CATSPERG: variants seen among roughly 807,000 people sequenced by gnomAD.
The protein encoded by CATSPERG is catsper channel auxiliary subunit gamma, also known as cation channel sperm-associated auxiliary subunit gamma.
In CATSPERG, 115 loss-of-function variants were observed where a neutral mutation model predicts 145.0. That is an observed-to-expected ratio of 0.79 (90% CI 0.68 to 0.93). The LOEUF is 0.93. CATSPERG is among the 40% of genes least tolerant of loss of function. The pLI, the probability that CATSPERG is intolerant of heterozygous loss-of-function variation, is 0.00. For missense variants in CATSPERG, 1,296 were observed against 1,490.1 expected, an observed-to-expected ratio of 0.87 and a Z score of 2.14; for synonymous variants, 588 against 589.0, an observed-to-expected ratio of 1.00 and a Z score of 0.02.
At chr19:38,344,674 T>C (rs532409755) in intron 6 of CATSPERG, among the ~76,000 whole-genome samples, 5 of 148,066 alleles carry the variant, frequency 3.4e-5, no homozygotes, top group African/African-American at 9.9e-5. Flanking sequence ...TACCTGTACA[T>C]ACATATATAG....
chr19:38,356,355 G>C (rs983540542), intron 9 of CATSPERG, 129 bp from the exon 10 acceptor site: 2 of 751,798 alleles, frequency 2.7e-6, no homozygotes, highest in African/African-American at 3.4e-5. Flanking sequence ...TGTGAGTGAC[G>C]AAAGGCCAGA....
rs750437520 is a variant in CATSPERG at position 38,365,102 on chromosome 19, G to C, written c.2598G>C (p.Leu866=). 28 of 1,613,578 alleles carry C rather than the reference G, an allele frequency of 1.7e-5. No individual in the cohort carries two copies. The highest frequency in any genetic ancestry group is 1.7e-4 in the Middle Eastern group (1 of 5,734). ...SSGLCFQETH[L]GPHMQGNLMV... Reference sequence around the variant, plus strand: ...GGCTCTGCTTCCAGGAAACACACCTGGGGCCCCATATGCAAGTATTGGAGC... The same window carrying C: ...GGCTCTGCTTCCAGGAAACACACCTCGGGCCCCATATGCAAGTATTGGAGC... The change falls in exon 22 of 29, where the codon CTG becomes CTC. Residue 866 remains leucine, a synonymous_variant. Coordinates refer to ENST00000409235, the MANE Select transcript of CATSPERG (RefSeq NM_021185.5).
intron 3 of CATSPERG, among the ~76,000 whole-genome samples, chr19:38,342,108 G>T (rs1240376768): frequency 6.8e-6 from 1 of 148,102 alleles, no homozygotes; most frequent in Non-Finnish European, 1.5e-5. Flanking sequence ...AGGTGCAGTG[G>T]CTTACACCTG....
chr19:38,367,570 C>G lies in CATSPERG; in HGVS notation c.2832C>G (p.Gly944=), dbSNP rs1373416091. ...LVTGDSGSFQ[G]SYVLLVVGGG... ...CAGGAGACTCCGGCAGTTTCCAGGG[C>G]AGGTAAAGGCGTGGCCAGCTTGCAG... is the stretch of plus-strand genomic sequence containing the variant. The change falls in exon 24 of 29, where the codon GGC becomes GGG. Residue 944 remains glycine (G), a splice_region_variant and synonymous_variant. Coordinates refer to ENST00000409235, the MANE Select transcript of CATSPERG (RefSeq NM_021185.5). 1 of 1,614,010 alleles carries G rather than the reference C, an allele frequency of 6.2e-7. No homozygotes were observed. The highest frequency in any genetic ancestry group is 8.5e-7 in the Non-Finnish European group (1 of 1,179,924).
chr19:38,341,762 C>T (rs1285949938), intron 3 of CATSPERG, among the ~76,000 whole-genome samples: 2 of 152,026 alleles, frequency 1.3e-5, no homozygotes, highest in African/African-American at 4.8e-5. Context: ...ATTAGCCGGG[C>T]GTGGTGGCGC....
chr19:38,368,274 C>A, intron 26 of CATSPERG, 137 bp downstream of exon 26: 1 of 721,802 alleles, frequency 1.4e-6, no homozygotes, highest in Non-Finnish European at 2.4e-6. Flanking sequence ...TGGGGCTGAA[C>A]TTTGCACAAG....
intron 8 of CATSPERG, 21 bp downstream of exon 8, chr19:38,352,453 C>A (rs1000060846): frequency 1.3e-6 from 2 of 1,551,268 alleles, no homozygotes; most frequent in African/African-American, 2.7e-5. Context: ...TGTGGCTGGA[C>A]CCACGCCTGG....
intron 7 of CATSPERG, among the ~76,000 whole-genome samples, chr19:38,350,603 T>C (rs1970122300): frequency 6.6e-6 from 1 of 152,180 alleles, no homozygotes; most frequent in South Asian, 2.1e-4. Context: ...GGTTTTGAAC[T>C]CCTGGCCTCA....
At chr19:38,350,581 G>T (rs1970121900) in intron 7 of CATSPERG, among the ~76,000 whole-genome samples, 3 of 152,096 alleles carry the variant, frequency 2.0e-5, no homozygotes, top group South Asian at 4.1e-4. Context: ...ATTTCACCAT[G>T]TTAGCCAGGC....
At chr19:38,366,838 G>A (rs1054345404) in intron 22 of CATSPERG, 1 of 274,354 alleles carries the variant, frequency 3.6e-6, no homozygotes, top group Non-Finnish European at 6.9e-6. Context: ...TTACAGGCAT[G>A]CACCACCACA....
chr19:38,365,165 G>A (rs772952951), intron 22 of CATSPERG, 48 bp downstream of exon 22: 17 of 1,537,368 alleles, frequency 1.1e-5, no homozygotes, highest in South Asian at 1.0e-4. Context: ...GGTTGGGGTC[G>A]GGTCTCAACA....
intron 3 of CATSPERG, among the ~76,000 whole-genome samples, chr19:38,341,845 T>C (rs1969943284): frequency 6.6e-6 from 1 of 151,722 alleles, no homozygotes; most frequent in African/African-American, 2.4e-5. Flanking sequence ...GAGGGTGCAA[T>C]GAGCTGAGAT....
chr19:38,343,575 C>T lies in CATSPERG; in HGVS notation c.325-5C>T, dbSNP rs1311039215. ...GACACACTTGTGGGGCCATCTCACC[C>T]TCAGCCCTCTGAGGACCTGGTGCGC... On this transcript the variant is annotated splice_region_variant and splice_polypyrimidine_tract_variant and intron_variant, in intron 3 of 28. Coordinates refer to ENST00000409235, the MANE Select transcript of CATSPERG (RefSeq NM_021185.5). 1 of 1,544,982 alleles carries T rather than the reference C, an allele frequency of 6.5e-7. No homozygotes were observed. The highest frequency in any genetic ancestry group is 2.0e-5 in the Admixed American group (1 of 50,256).
chr19:38,356,406 A>C, intron 9 of CATSPERG, 78 bp from the exon 10 acceptor site: 2 of 1,307,282 alleles, frequency 1.5e-6, no homozygotes, highest in Non-Finnish European at 2.2e-6. Flanking sequence ...GGGCATAAGG[A>C]GGGCAATCGG....
At chr19:38,344,237 G>C (rs899839214) in intron 5 of CATSPERG, 59 bp from the exon 6 acceptor site, 10 of 1,538,530 alleles carry the variant, frequency 6.5e-6, no homozygotes, top group Non-Finnish European at 8.8e-6. Context: ...AGGCAGCTAC[G>C]AGCTGTGGAA....
In CATSPERG at chr19:38,343,740, G is replaced by A. The variant is rs1452171321; in HGVS notation, c.469+16G>A. On this transcript the variant is annotated intron_variant, in intron 4 of 28. Coordinates refer to ENST00000409235, the MANE Select transcript of CATSPERG (RefSeq NM_021185.5). ...CGCAGCAAAGGTGGGCCTGGGGGAG[G>A]CGGGAGGGATCGCAACCTGGCAGGG... 1.9e-6 allele frequency: 3 copies of A among 1,546,994 alleles called. No homozygotes were observed. The highest frequency in any genetic ancestry group is 2.6e-6 in the Non-Finnish European group (3 of 1,146,560).
intron 6 of CATSPERG, 131 bp from the exon 7 acceptor site, chr19:38,346,319 T>A (rs932413433): frequency 2.6e-6 from 2 of 756,080 alleles, no homozygotes; most frequent in African/African-American, 3.6e-5. Flanking sequence ...TGGTAAGGAA[T>A]GAGGTCAAGG....
intron 7 of CATSPERG, among the ~76,000 whole-genome samples, chr19:38,348,564 C>A (rs1176503946): frequency 1.3e-5 from 2 of 151,544 alleles, no homozygotes; most frequent in Non-Finnish European, 2.9e-5. Flanking sequence ...ACCTCCACCC[C>A]CCGGGTTCAA....
At position 38,354,854 on chromosome 19, in the gene CATSPERG, G is replaced by A. The variant is rs761866824; in HGVS notation, c.1135+7G>A. ...CACTTCGGGACCATCAGAGGTAAGG[G>A]TGTGGGCCTCTGTCAGCCCCAGGGA... On this transcript the variant is annotated splice_region_variant and intron_variant, in intron 9 of 28. Coordinates refer to ENST00000409235, the MANE Select transcript of CATSPERG (RefSeq NM_021185.5). 21 of 1,613,136 alleles carry A rather than the reference G, an allele frequency of 1.3e-5. No individual in the cohort carries two copies. The highest frequency in any genetic ancestry group is 1.8e-5 in the Non-Finnish European group (21 of 1,179,670).
Sources: gnomAD v4.1 joint callset for allele counts (sites outside exome capture counted in the v4.1 genomes callset) on GRCh38, gnomAD v4.1.1 for gene constraint, MANE v1.5 for transcripts, NCBI Gene and HGNC (gene_info 2026-07-23, HGNC 2026-07-21) for gene names.